SLK: variants seen among roughly 807,000 people sequenced by gnomAD.
SLK encodes STE20-like serine/threonine-protein kinase.
Under a neutral mutation model 147.7 loss-of-function variants are expected in SLK, and 67 were observed. That is an observed-to-expected ratio of 0.45 (90% CI 0.37 to 0.56). SLK has a LOEUF of 0.56. Among genes scored for constraint, SLK ranks in the 20% least tolerant of loss-of-function variants. SLK has a pLI of 0.00. For missense variants in SLK, 1,136 were observed against 1,438.8 expected (o/e 0.79, Z 3.41); for synonymous variants, 441 against 475.0 (o/e 0.93, Z 0.93).
intron 13 of SLK, among the ~76,000 whole-genome samples, chr10:104,016,601 T>G (rs1197247149): frequency 6.6e-6 from 1 of 152,198 alleles, no homozygotes; most frequent in Non-Finnish European, 1.5e-5. Flanking sequence ...CATTCATTAG[T>G]CTTTTCTTTC....
chr10:104,018,218 T>C lies in SLK; in HGVS notation c.2936T>C (p.Ile979Thr), dbSNP rs1280600397. Residue 979 changes from isoleucine to threonine, a missense_variant, in exon 14 of 19, where the codon ATC (isoleucine) becomes ACC (threonine). By Grantham distance (89) the Ile-to-Thr change is moderately conservative. This residue lies in a region of SLK where 327 missense variants were observed against 457.5 expected (regional missense o/e 0.71). Coordinates refer to ENST00000369755, the MANE Select transcript of SLK (RefSeq NM_014720.4). Reference protein sequence around the residue: ...QELDGSLKKIIQQQKAELANI... With the variant: ...QELDGSLKKITQQQKAELANI... ...TTAGATGGCTCTCTGAAAAAGATCA[T>C]CCAGCAGCAGAAGGCAGAGTTAGCT... 6.2e-7 allele frequency: 1 copy of C among 1,607,790 alleles called. No homozygotes were observed. Among genetic ancestry groups the C allele is most frequent in the Non-Finnish European group, 8.5e-7 (1 of 1,178,340 alleles).
intron 1 of SLK, among the ~76,000 whole-genome samples, chr10:103,985,358 A>G (rs904431107): frequency 5.3e-5 from 8 of 152,074 alleles, no homozygotes; most frequent in African/African-American, 1.9e-4. Context: ...TGCAGCTTGG[A>G]CCAGTGCCTT....
Position 104,007,894 on chromosome 10 carries a change from G to A in SLK, c.2605-283G>A, listed in dbSNP as rs1462553062. On this transcript the variant is annotated intron_variant, in intron 11 of 18. Coordinates refer to ENST00000369755, the MANE Select transcript of SLK (RefSeq NM_014720.4). Reference sequence around the variant, plus strand: ...TTGAGCCCAGGAGGCCGAGGCTGCAGTGAACTGTGATTGTGCAACTGCACT... The same window carrying A: ...TTGAGCCCAGGAGGCCGAGGCTGCAATGAACTGTGATTGTGCAACTGCACT... 4.6e-5 allele frequency among the ~76,000 whole-genome samples: 7 copies of A among 152,180 alleles called. No homozygotes were observed. The East Asian group carries it at 1.4e-3, about 29-fold the overall frequency.
intron 1 of SLK, among the ~76,000 whole-genome samples, chr10:103,973,942 A>G (rs892333882): frequency 2.0e-5 from 3 of 152,166 alleles, no homozygotes; most frequent in Admixed American, 6.5e-5. Flanking sequence ...TCCATTCATT[A>G]TCTTTTGGCT....
At chr10:103,986,310 G>T (rs977350423) in intron 1 of SLK, among the ~76,000 whole-genome samples, 3 of 152,256 alleles carry the variant, frequency 2.0e-5, no homozygotes, top group Middle Eastern at 3.4e-3. Context: ...GCAACTAAAT[G>T]TTCCCATCTT....
chr10:104,011,126 T>C (rs1589543083), intron 13 of SLK, among the ~76,000 whole-genome samples: 1 of 152,234 alleles, frequency 6.6e-6, no homozygotes, highest in Admixed American at 6.5e-5. Flanking sequence ...GTTTGGAAAG[T>C]TGACTCCAGA....
intron 6 of SLK, 102 bp downstream of exon 6, chr10:103,999,415 T>C: frequency 2.3e-6 from 2 of 879,868 alleles, no homozygotes; most frequent in Non-Finnish European, 3.5e-6. Flanking sequence ...TAAAATTGGA[T>C]ACATGGTTCG....
chr10:103,968,844 G>T (rs1398492163), intron 1 of SLK, among the ~76,000 whole-genome samples: 1 of 152,206 alleles, frequency 6.6e-6, no homozygotes, highest in African/African-American at 2.4e-5. Context: ...CACAGATGAA[G>T]ATATTGAAAT....
intron 18 of SLK, 31 bp downstream of exon 18, chr10:104,021,764 T>A (rs200378854): frequency 3.8e-5 from 45 of 1,199,590 alleles, no homozygotes; most frequent in Admixed American, 1.2e-4. Flanking sequence ...TAAAATGATA[T>A]GTGTGTACTC....
Position 104,021,608 on chromosome 10 carries a change from C to A in SLK, c.3448-12C>A, listed in dbSNP as rs1042275452. 4.6e-6 allele frequency: 7 copies of A among 1,536,226 alleles called. No homozygotes were observed. Among genetic ancestry groups the A allele is most frequent in the Admixed American group, 2.0e-5 (1 of 50,102 alleles). On this transcript the variant is annotated splice_polypyrimidine_tract_variant and intron_variant, in intron 17 of 18. Transcript: ENST00000369755. ...GATCTGAAATTTTTTTAAATCCCAA[C>A]TTTATTTTCAGAATGAAAAATGCCA...
At chr10:104,021,412 G>T (rs1248559717) in intron 17 of SLK, among the ~76,000 whole-genome samples, 1 of 152,176 alleles carries the variant, frequency 6.6e-6, no homozygotes, top group African/African-American at 2.4e-5. Flanking sequence ...TTTTTATATG[G>T]TATGTAATAG....
Position 104,002,783 on chromosome 10 carries a change from C to T in SLK, c.1605C>T (p.Asp535=), listed in dbSNP as rs1381657503. ...CCCAAGAGAAATTGGGGGAAGACGA[C>T]AAAACTCAAAAAGATGTGATCAGCA... ...EDTQEKLGED[D]KTQKDVISNT... Residue 535 remains aspartate, a synonymous_variant, in exon 9 of 19, where the codon GAC becomes GAT. Coordinates refer to ENST00000369755, the MANE Select transcript of SLK (RefSeq NM_014720.4). 2 of 1,613,818 alleles carry T rather than the reference C, an allele frequency of 1.2e-6. No homozygotes were observed. Among genetic ancestry groups the T allele is most frequent in the Non-Finnish European group, 1.7e-6 (2 of 1,180,006 alleles).
chr10:103,992,159 T>TTTTTTTC (rs1554842829), intron 2 of SLK, among the ~76,000 whole-genome samples: 2 of 138,942 alleles, frequency 1.4e-5, no homozygotes, highest in Non-Finnish European at 3.2e-5. Flanking sequence ...TTTTTTTTTT[T>TTTTTTTC]CTAAAAGAAG....
intron 13 of SLK, 114 bp from the exon 14 acceptor site, chr10:104,018,046 C>T: frequency 2.6e-6 from 2 of 779,260 alleles, no homozygotes; most frequent in Non-Finnish European, 4.0e-6. Flanking sequence ...ATCCAGCTAA[C>T]TTTGCAAACT....
intron 7 of SLK, 85 bp from the exon 8 acceptor site, chr10:104,001,359 C>T: frequency 1.3e-5 from 13 of 1,033,760 alleles, no homozygotes; most frequent in Admixed American, 4.4e-5. Flanking sequence ...TATTTTTTAC[C>T]ACATAAGAAT....
intron 13 of SLK, among the ~76,000 whole-genome samples, chr10:104,014,030 G>A (rs957595848): frequency 6.6e-6 from 1 of 151,958 alleles, no homozygotes; most frequent in African/African-American, 2.4e-5. Flanking sequence ...CTTTTAACAC[G>A]GTGTTCTGTC....
intron 4 of SLK, among the ~76,000 whole-genome samples, chr10:103,993,757 G>C (rs1844130227): frequency 6.6e-6 from 1 of 152,178 alleles, no homozygotes; most frequent in African/African-American, 2.4e-5. Context: ...AAAAAGTCTA[G>C]AGATGAAGTC....
intron 9 of SLK, 149 bp from the exon 10 acceptor site, chr10:104,005,412 T>C (rs1844311510): frequency 1.5e-6 from 1 of 652,416 alleles, no homozygotes. Context: ...ATGAGTCTAT[T>C]GCTTTATATT....
chr10:104,024,977 AC>A, intron 18 of SLK, among the ~76,000 whole-genome samples: 2 of 152,296 alleles, frequency 1.3e-5, no homozygotes, highest in South Asian at 4.1e-4. Flanking sequence ...TAGTATCCGC[AC>A]ATTAGGGATT....
Sources: allele counts gnomAD v4.1 joint callset (sites outside exome capture counted in the v4.1 genomes callset), GRCh38; gene constraint gnomAD v4.1.1; regional missense constraint gnomAD v4.1.1; transcripts MANE v1.5; gene names NCBI Gene and HGNC (gene_info 2026-07-23, HGNC 2026-07-21).